Variants in PTPRK observed in about 807,000 individuals in gnomAD.
The protein encoded by PTPRK is receptor-type tyrosine-protein phosphatase kappa.
In PTPRK, 75 loss-of-function variants were observed where a neutral mutation model predicts 178.0. The observed-to-expected ratio is 0.42, with a 90% CI of 0.35 to 0.51. PTPRK has a LOEUF of 0.51. Ranked by LOEUF, PTPRK falls within the 20% of genes least tolerant of loss-of-function variation. PTPRK has a pLI of 0.02. For missense variants in PTPRK, 1,441 were observed against 1,797.8 expected, an observed-to-expected ratio of 0.80 and a Z score of 3.59; for synonymous variants, 637 against 620.6, an observed-to-expected ratio of 1.03 and a Z score of -0.39.
chr6:128,511,019 C>T (rs62425744), intron 1 of PTPRK, among the ~76,000 whole-genome samples: 17,148 of 152,052 alleles, frequency 0.11, 1,089 homozygotes, highest in Non-Finnish European at 0.15. Context: ...TCTTTTTTAA[C>T]ACCAAATTCT....
intron 5 of PTPRK, among the ~76,000 whole-genome samples, chr6:128,233,253 G>A (rs1322547546): frequency 6.6e-6 from 1 of 152,120 alleles, no homozygotes; most frequent in Non-Finnish European, 1.5e-5. Flanking sequence ...CCTCTGAAAT[G>A]GTGTAGTGCT....
chr6:128,257,409 T>C (rs1452348297), intron 3 of PTPRK, among the ~76,000 whole-genome samples: 1 of 152,134 alleles, frequency 6.6e-6, no homozygotes, highest in African/African-American at 2.4e-5. Flanking sequence ...AAAAGGTCAG[T>C]GTGGTAGCAA....
intron 3 of PTPRK, among the ~76,000 whole-genome samples, chr6:128,311,940 T>G (rs1010631832): frequency 1.3e-5 from 2 of 152,126 alleles, no homozygotes; most frequent in African/African-American, 4.8e-5. Flanking sequence ...CATAACAAAT[T>G]TATTTGATCA....
chr6:128,512,669 A>G (rs1284083457), intron 1 of PTPRK, among the ~76,000 whole-genome samples: 5 of 152,218 alleles, frequency 3.3e-5, no homozygotes, highest in Admixed American at 3.3e-4. Flanking sequence ...TGCAAGTAAA[A>G]TTGTGTTTTG....
intron 22 of PTPRK, among the ~76,000 whole-genome samples, chr6:127,984,043 C>T (rs150976457): frequency 2.5e-4 from 38 of 151,890 alleles, no homozygotes; most frequent in Admixed American, 1.2e-3. Flanking sequence ...AAAGGCTAGC[C>T]GCTATCTTAC....
intron 1 of PTPRK, among the ~76,000 whole-genome samples, chr6:128,424,560 G>C (rs1843881080): frequency 6.6e-6 from 1 of 152,142 alleles, no homozygotes; most frequent in African/African-American, 2.4e-5. Flanking sequence ...AAGTCATGAG[G>C]GAATTCTGGC....
intron 5 of PTPRK, among the ~76,000 whole-genome samples, chr6:128,231,281 G>A (rs977477863): frequency 6.6e-6 from 1 of 152,134 alleles, no homozygotes; most frequent in East Asian, 1.9e-4. Flanking sequence ...CAGGACTGCC[G>A]AGTGTTGGCT....
intron 3 of PTPRK, among the ~76,000 whole-genome samples, chr6:128,310,496 A>G (rs1020924691): frequency 6.6e-6 from 1 of 152,222 alleles, no homozygotes. Flanking sequence ...AAACTCATTT[A>G]AAAATGCTGT....
chr6:128,275,548 G>A (rs1037957127), intron 3 of PTPRK, among the ~76,000 whole-genome samples: 1 of 151,996 alleles, frequency 6.6e-6, no homozygotes, highest in African/African-American at 2.4e-5. Flanking sequence ...GTACAGTTTA[G>A]TTTTAATAAT....
At chr6:128,361,130 G>T (rs1834683682) in intron 2 of PTPRK, among the ~76,000 whole-genome samples, 1 of 152,052 alleles carries the variant, frequency 6.6e-6, no homozygotes, top group Admixed American at 6.6e-5. Context: ...AGTTTATAGG[G>T]ATTCCAGAAA....
At chr6:128,177,790 A>T (rs1801297758) in intron 7 of PTPRK, among the ~76,000 whole-genome samples, 1 of 151,792 alleles carries the variant, frequency 6.6e-6, no homozygotes, top group South Asian at 2.1e-4. Context: ...CATTAGCAGA[A>T]TGTATAGGTG....
chr6:128,370,552 T>A (rs533170167), intron 2 of PTPRK, among the ~76,000 whole-genome samples: 1 of 152,246 alleles, frequency 6.6e-6, no homozygotes, highest in Admixed American at 6.5e-5. Context: ...TCTTAGCTTT[T>A]TTTACTTTAA....
At chr6:128,192,821 AAAGGG>A (rs199738370) in intron 6 of PTPRK, among the ~76,000 whole-genome samples, 11 of 141,790 alleles carry the variant, frequency 7.8e-5, no homozygotes, top group Admixed American at 2.8e-4. Context: ...TATATCAGAA[AAAGGG>A]AAGGGAAGGG....
chr6:128,213,541 G>T (rs747000478), intron 6 of PTPRK, among the ~76,000 whole-genome samples: 1 of 151,972 alleles, frequency 6.6e-6, no homozygotes, highest in African/African-American at 2.4e-5. Flanking sequence ...TTCCTGTCAA[G>T]ATGACCAGTT....
chr6:128,161,419 G>A (rs536758279), intron 7 of PTPRK, among the ~76,000 whole-genome samples: 1 of 151,210 alleles, frequency 6.6e-6, no homozygotes, highest in East Asian at 2.0e-4. Context: ...ATTCAAGAAA[G>A]AGAGAGAGAA....
intron 2 of PTPRK, among the ~76,000 whole-genome samples, chr6:128,387,008 C>T (rs1371873903): frequency 1.3e-5 from 2 of 152,152 alleles, no homozygotes; most frequent in African/African-American, 4.8e-5. Context: ...GCGAAGGTTG[C>T]AGTGAGCCGA....
rs2114660144 is a variant in PTPRK at position 127,990,916 on chromosome 6, C to G, written c.2980-31G>C. On this transcript the variant is annotated intron_variant, in intron 20 of 29. Transcript: ENST00000368226. ...TGACAAAAAGAATATATAGACAGAC[C>G]TGAATATATAATACTAATTAGCCAA... The G allele has an allele frequency of 3.1e-6, 4 of 1,302,154 alleles. No individual in the cohort carries two copies. In the East Asian group the frequency reaches 6.9e-5, roughly 23 times the overall value. The allele number at this position is 1,302,154 out of a possible 1,614,324, so 80.7% of individuals were successfully genotyped here.
intron 1 of PTPRK, among the ~76,000 whole-genome samples, chr6:128,427,625 A>T (rs1397381554): frequency 6.6e-6 from 1 of 152,212 alleles, no homozygotes; most frequent in Non-Finnish European, 1.5e-5. Flanking sequence ...CCATTCATTA[A>T]ATACATTTAA....
chr6:128,488,971 T>C (rs1366925169), intron 1 of PTPRK, among the ~76,000 whole-genome samples: 1 of 152,024 alleles, frequency 6.6e-6, no homozygotes, highest in Non-Finnish European at 1.5e-5. Flanking sequence ...GCCACTGATC[T>C]CTAATGAGAA....
Sources: gnomAD v4.1 joint callset for allele counts (sites outside exome capture counted in the v4.1 genomes callset) on GRCh38, gnomAD v4.1.1 for gene constraint, MANE v1.5 for transcripts, NCBI Gene and HGNC (gene_info 2026-07-23, HGNC 2026-07-21) for gene names.